ANO3: variants seen among roughly 807,000 people sequenced by gnomAD.
ANO3 encodes the protein anoctamin-3.
Under a neutral mutation model 144.8 loss-of-function variants are expected in ANO3, and 99 were observed. The observed-to-expected ratio is 0.68, with a 90% CI of 0.58 to 0.81. The LOEUF is 0.81. Among genes scored for constraint, ANO3 ranks in the 30% least tolerant of loss-of-function variants. The pLI, the probability that ANO3 is intolerant of heterozygous loss-of-function variation, is 0.00. For missense variants in ANO3, 905 were observed against 1,202.2 expected, an observed-to-expected ratio of 0.75 and a Z score of 3.66; for synonymous variants, 414 against 392.6, an observed-to-expected ratio of 1.05 and a Z score of -0.64.
At chr11:26,501,562 A>G (rs1170396980) in intron 4 of ANO3, among the ~76,000 whole-genome samples, 6 of 152,116 alleles carry the variant, frequency 3.9e-5, no homozygotes, top group Non-Finnish European at 8.8e-5. Context: ...CATTTTAAGC[A>G]TAGGCCAGGA....
chr11:26,608,340 G>A (rs1851994077), intron 17 of ANO3, among the ~76,000 whole-genome samples: 1 of 152,112 alleles, frequency 6.6e-6, no homozygotes, highest in South Asian at 2.1e-4. Context: ...TGACCTCCAG[G>A]AGCACCAAGC....
chr11:26,543,867 C>A (rs1170125096), intron 11 of ANO3, among the ~76,000 whole-genome samples: 1 of 151,862 alleles, frequency 6.6e-6, no homozygotes, highest in Non-Finnish European at 1.5e-5. Context: ...ATTGATGGAC[C>A]TTTGGATTGG....
chr11:26,603,053 T>G (rs1050538577), intron 17 of ANO3, among the ~76,000 whole-genome samples: 14 of 152,160 alleles, frequency 9.2e-5, no homozygotes, highest in African/African-American at 2.7e-4. Flanking sequence ...CGTATTACAT[T>G]TTTAAAAAAT....
chr11:26,352,202 T>C (rs1185055942), intron 1 of ANO3, among the ~76,000 whole-genome samples: 1 of 152,138 alleles, frequency 6.6e-6, no homozygotes, highest in Non-Finnish European at 1.5e-5. Flanking sequence ...AAACAAGTCT[T>C]TACTACCCAA....
chr11:26,597,689 T>A (rs188378513), intron 14 of ANO3, among the ~76,000 whole-genome samples: 1 of 152,324 alleles, frequency 6.6e-6, no homozygotes, highest in Admixed American at 6.5e-5. Flanking sequence ...GTACCACAGA[T>A]TTCTAAAACA....
intron 14 of ANO3, 167 bp downstream of exon 14, chr11:26,559,946 C>G (rs1023700845): frequency 3.9e-6 from 2 of 509,584 alleles, no homozygotes; most frequent in Non-Finnish European, 7.0e-6. Flanking sequence ...ATATTCAGTG[C>G]TTCTTTAGGA....
chr11:26,571,633 C>G (rs914503156), intron 14 of ANO3, among the ~76,000 whole-genome samples: 3 of 152,232 alleles, frequency 2.0e-5, no homozygotes, highest in Admixed American at 6.5e-5. Context: ...AAAAACCTTT[C>G]AGCACAAATG....
intron 1 of ANO3, among the ~76,000 whole-genome samples, chr11:26,325,101 T>C (rs1854852358): frequency 6.6e-6 from 1 of 152,158 alleles, no homozygotes; most frequent in African/African-American, 2.4e-5. Context: ...CAAAATGTAA[T>C]GCTATAAATT....
intron 1 of ANO3, among the ~76,000 whole-genome samples, chr11:26,247,221 T>A (rs889651892): frequency 6.6e-6 from 1 of 152,190 alleles, no homozygotes; most frequent in Non-Finnish European, 1.5e-5. Flanking sequence ...AATTTTTACG[T>A]GTAGATTTCT....
intron 1 of ANO3, among the ~76,000 whole-genome samples, chr11:26,297,849 A>G: frequency 6.6e-6 from 1 of 152,218 alleles, no homozygotes; most frequent in Non-Finnish European, 1.5e-5. Flanking sequence ...AAGGAGGCTG[A>G]GGAAGTTAAA....
chr11:26,564,904 C>G (rs1486772227), intron 14 of ANO3, among the ~76,000 whole-genome samples: 1 of 150,200 alleles, frequency 6.7e-6, no homozygotes, highest in African/African-American at 2.4e-5. Flanking sequence ...TCCATCTTTT[C>G]TTGACCTAAC....
chr11:26,496,454 C>A (rs1009832219), intron 4 of ANO3, among the ~76,000 whole-genome samples: 1 of 152,166 alleles, frequency 6.6e-6, no homozygotes. Context: ...CTCAGGGATG[C>A]AGCTTAGCTC....
At chr11:26,552,140 G>A (rs1485091897) in intron 12 of ANO3, among the ~76,000 whole-genome samples, 1 of 151,866 alleles carries the variant, frequency 6.6e-6, no homozygotes, top group African/African-American at 2.4e-5. Flanking sequence ...GGAGATAATT[G>A]CCATTACCCA....
rs1412983039 is a variant in ANO3 at position 26,412,117 on chromosome 11, AAG to A, written c.47-29796_47-29795del. On this transcript the variant is annotated intron_variant, in intron 1 of 26. Transcript: ENST00000256737. ...AAATTCAAAATGTTTATAGAGAAAT[AAG>A]AGAGTTTTTATGAATATTCCATAGG... Among the ~76,000 whole-genome samples, 4 of 152,082 alleles carry A rather than the reference AAG, an allele frequency of 2.6e-5. No individual in the cohort carries two copies. In the East Asian group the frequency reaches 7.7e-4, roughly 29 times the overall value.
chr11:26,210,509 A>G (rs1420255302), intron 1 of ANO3, among the ~76,000 whole-genome samples: 2 of 152,134 alleles, frequency 1.3e-5, no homozygotes, highest in African/African-American at 2.4e-5. Context: ...GCTTTTTCCA[A>G]TTCTGTGAAG....
intron 1 of ANO3, among the ~76,000 whole-genome samples, chr11:26,292,565 AT>A: frequency 6.6e-6 from 1 of 152,156 alleles, no homozygotes. Context: ...TACCTTTCGT[AT>A]TTGATGATGG....
chr11:26,567,056 A>G, intron 14 of ANO3: 1 of 1,509,414 alleles, frequency 6.6e-7, no homozygotes, highest in Non-Finnish European at 8.9e-7. Context: ...ACTTACAACA[A>G]TCCCTTGATG....
intron 13 of ANO3, among the ~76,000 whole-genome samples, chr11:26,556,925 T>G (rs1365738161): frequency 6.6e-6 from 1 of 152,148 alleles, no homozygotes; most frequent in Admixed American, 6.5e-5. Context: ...CCTTATGTTT[T>G]TCTGAACCTA....
intron 4 of ANO3, among the ~76,000 whole-genome samples, chr11:26,500,010 CA>C (rs1489410529): frequency 6.6e-6 from 1 of 151,930 alleles, no homozygotes; most frequent in Non-Finnish European, 1.5e-5. Flanking sequence ...ATCTATTTTT[CA>C]TCTCTATGTA....
Sources: allele counts gnomAD v4.1 joint callset (sites outside exome capture counted in the v4.1 genomes callset), GRCh38; gene constraint gnomAD v4.1.1; transcripts MANE v1.5; gene names NCBI Gene and HGNC (gene_info 2026-07-23, HGNC 2026-07-21).